COL6A6: variants seen among roughly 807,000 people sequenced by gnomAD.
The protein encoded by COL6A6 is collagen alpha-6(VI) chain.
A neutral mutation model predicts 208.6 loss-of-function variants in COL6A6; 183 were observed. The ratio of observed to expected loss-of-function variants is 0.88; its 90% CI spans 0.78 to 0.99. The LOEUF is 0.99. COL6A6 is among the 50% of genes least tolerant of loss of function. The pLI, the probability that COL6A6 is intolerant of heterozygous loss-of-function variation, is 0.00. For synonymous variants in COL6A6, 973 were observed against 1,011.8 expected, an observed-to-expected ratio of 0.96 and a Z score of 0.73; for missense variants, 2,816 against 2,815.2, an observed-to-expected ratio of 1.00 and a Z score of -0.01.
intron 5 of COL6A6, among the ~76,000 whole-genome samples, chr3:130,567,698 T>C (rs1331714868): frequency 2.6e-5 from 4 of 151,860 alleles, no homozygotes; most frequent in African/African-American, 9.7e-5. Flanking sequence ...CCTAGAGACA[T>C]TTCTGATGGT....
rs1275915839 is a variant in COL6A6 at position 130,565,268 on chromosome 3, C to G, written c.936C>G (p.Ile312Met). 6.2e-7 allele frequency: 1 copy of G among 1,613,894 alleles called. No homozygotes were observed. The highest frequency in any genetic ancestry group is 8.5e-7 in the Non-Finnish European group (1 of 1,179,906). ...GGAAGGCCTATACTGGAGCTGCCAT[C>G]AAAAAGCTCAGGAAGGAAGTTTTTA... ...RTGKAYTGAA[I>M]KKLRKEVFSA... The change falls in exon 4 of 37, where the codon ATC (isoleucine) becomes ATG (methionine). Residue 312 changes from isoleucine (I) to methionine (M), a missense_variant. By Grantham distance (10) the Ile-to-Met change is conservative. Transcript: ENST00000358511.
chr3:130,599,118 T>C (rs9816139), intron 19 of COL6A6, among the ~76,000 whole-genome samples: 45,884 of 152,018 alleles, frequency 0.3, 11,653 homozygotes, highest in African/African-American at 0.7. Flanking sequence ...TTCTTATCTG[T>C]AAAATAGGGT....
At chr3:130,634,685 T>G in intron 27 of COL6A6, 60 bp downstream of exon 27, 1 of 1,270,530 alleles carries the variant, frequency 7.9e-7, no homozygotes, top group South Asian at 1.3e-5. Context: ...GTTTATGAAA[T>G]GTATCCTAGG....
chr3:130,536,065 C>T (rs2062216840), intron 1 of COL6A6, among the ~76,000 whole-genome samples: 1 of 152,162 alleles, frequency 6.6e-6, no homozygotes, highest in African/African-American at 2.4e-5. Context: ...GGCCAGTGAG[C>T]CAAATTTTCT....
chr3:130,597,007 A>C (rs1428475868), intron 18 of COL6A6, among the ~76,000 whole-genome samples: 1 of 152,160 alleles, frequency 6.6e-6, no homozygotes, highest in African/African-American at 2.4e-5. Flanking sequence ...ACATTGACCA[A>C]CTGTCTGTAT....
intron 12 of COL6A6, chr3:130,589,936 T>C (rs542258050): frequency 4.5e-6 from 2 of 444,128 alleles, no homozygotes; most frequent in African/African-American, 4.0e-5. Flanking sequence ...AATATGTCTC[T>C]GAAAGTTTTT....
At chr3:130,602,190 C>T (rs58552294) in intron 20 of COL6A6, among the ~76,000 whole-genome samples, 4,084 of 152,240 alleles carry the variant, frequency 0.027, 203 homozygotes, top group African/African-American at 0.093. Flanking sequence ...CATATGAGTG[C>T]CATGAATCTC....
chr3:130,555,024 C>T (rs1209755335), intron 1 of COL6A6, among the ~76,000 whole-genome samples: 1 of 152,164 alleles, frequency 6.6e-6, no homozygotes, highest in Non-Finnish European at 1.5e-5. Context: ...GGCTCCATCT[C>T]ATGGACAATG....
At chr3:130,561,797 C>T (rs1315020086) in intron 2 of COL6A6, among the ~76,000 whole-genome samples, 5 of 151,376 alleles carry the variant, frequency 3.3e-5, no homozygotes, top group South Asian at 4.2e-4. Flanking sequence ...GGACTACAGG[C>T]GCCCGCCACC....
chr3:130,602,833 G>A (rs2064066126), intron 20 of COL6A6, among the ~76,000 whole-genome samples: 1 of 152,126 alleles, frequency 6.6e-6, no homozygotes, highest in South Asian at 2.1e-4. Context: ...TGGAGGAGTT[G>A]GGTGATTTAA....
chr3:130,539,528 G>C (rs566088786), intron 1 of COL6A6, among the ~76,000 whole-genome samples: 45 of 152,156 alleles, frequency 3.0e-4, no homozygotes, highest in African/African-American at 1.1e-3. Flanking sequence ...CAGCTACTCA[G>C]GAGGCTGAGG....
chr3:130,595,097 A>C (rs1560042495), intron 18 of COL6A6, among the ~76,000 whole-genome samples: 1 of 152,184 alleles, frequency 6.6e-6, no homozygotes, highest in African/African-American at 2.4e-5. Flanking sequence ...AACCCAGGCC[A>C]AGTAGAATTA....
At position 130,581,842 on chromosome 3, in the gene COL6A6, A is replaced by G. The variant is rs1256618369; in HGVS notation, c.3829A>G (p.Asn1277Asp). ...DITVKGPSLLNANLLDSLWDT... is the reference protein window; with the variant it reads ...DITVKGPSLLDANLLDSLWDT... Reference sequence around the variant, plus strand: ...AACAGTTAAAGGACCATCTCTTCTCAATGCAAACCTCTTGGATTCTCTATG... The same window carrying G: ...AACAGTTAAAGGACCATCTCTTCTCGATGCAAACCTCTTGGATTCTCTATG... Residue 1277 changes from asparagine to aspartate, a missense_variant, in exon 9 of 37, where the codon AAT becomes GAT. By Grantham distance (23) the Asn-to-Asp change is conservative. Transcript: ENST00000358511. The G allele has an allele frequency of 6.2e-7, 1 of 1,613,364 alleles. No homozygotes were observed. The highest frequency in any genetic ancestry group is 1.3e-5 in the African/African-American group (1 of 75,058).
chr3:130,595,514 A>T (rs187398341), intron 18 of COL6A6, among the ~76,000 whole-genome samples: 1 of 152,126 alleles, frequency 6.6e-6, no homozygotes, highest in Admixed American at 6.5e-5. Flanking sequence ...TCCTGTCACT[A>T]TTAATTAGTT....
At chr3:130,529,556 CAG>C (rs1012202903) in intron 1 of COL6A6, among the ~76,000 whole-genome samples, 1 of 152,186 alleles carries the variant, frequency 6.6e-6, no homozygotes, top group Non-Finnish European at 1.5e-5. Context: ...TGGGCCTTTC[CAG>C]ATACATGCTG....
intron 28 of COL6A6, among the ~76,000 whole-genome samples, chr3:130,640,514 C>G (rs1248839777): frequency 6.6e-6 from 1 of 152,214 alleles, no homozygotes; most frequent in Non-Finnish European, 1.5e-5. Flanking sequence ...ACCAAGCACA[C>G]TGTCAATATC....
intron 1 of COL6A6, 50 bp from the exon 2 acceptor site, chr3:130,560,284 A>G (rs1018360890): frequency 9.1e-6 from 11 of 1,208,908 alleles, no homozygotes; most frequent in Middle Eastern, 3.9e-4. Flanking sequence ...TGTGAGTCTT[A>G]ATTCCCAAAT....
At chr3:130,656,146 C>CCTCTCCT (rs955023782) in intron 33 of COL6A6, among the ~76,000 whole-genome samples, 1 of 152,220 alleles carries the variant, frequency 6.6e-6, no homozygotes, top group Non-Finnish European at 1.5e-5. Flanking sequence ...TCTTCTCTCT[C>CCTCTCCT]CTCTCCTCTC....
intron 1 of COL6A6, among the ~76,000 whole-genome samples, chr3:130,545,658 T>C (rs1003209261): frequency 3.3e-5 from 5 of 152,178 alleles, no homozygotes; most frequent in African/African-American, 1.2e-4. Flanking sequence ...GGTTTCACCA[T>C]GTTGGCCAGG....
Sources: allele counts gnomAD v4.1 joint callset (sites outside exome capture counted in the v4.1 genomes callset), GRCh38; gene constraint gnomAD v4.1.1; transcripts MANE v1.5; gene names NCBI Gene and HGNC (gene_info 2026-07-23, HGNC 2026-07-21).